Variants in C4orf51 observed in about 807,000 individuals in gnomAD.
The protein encoded by C4orf51 is uncharacterized protein C4orf51.
C4orf51 carries 25 observed loss-of-function variants against 25.2 expected under a neutral mutation model. That is an observed-to-expected ratio of 0.99 (90% CI 0.72 to 1.39). C4orf51 has a LOEUF of 1.39. C4orf51 is among the 40% of genes most tolerant of loss of function. The probability of loss-of-function intolerance (pLI) is 0.00; values close to 1 mark genes in which losing one functional copy is unlikely to be tolerated. For missense variants in C4orf51, 252 were observed against 239.6 expected, an observed-to-expected ratio of 1.05 and a Z score of -0.34; for synonymous variants, 100 against 84.5, an observed-to-expected ratio of 1.18 and a Z score of -1.01.
At chr4:145,791,441 C>T in the C4orf51 span, among the ~76,000 whole-genome samples, 1 of 152,126 alleles carries the variant, frequency 6.6e-6, no homozygotes, top group South Asian at 2.1e-4. Flanking sequence ...ACATTTAGAC[C>T]ATACCACTTT....
At chr4:145,699,290 T>C (rs13126108) in intron 2 of C4orf51, among the ~76,000 whole-genome samples, 8,760 of 57,796 alleles carry the variant, frequency 0.15, 1,161 homozygotes, top group Admixed American at 0.19. Context: ...TGCCGTGACT[T>C]GGATCAGGGA....
At chr4:145,758,958 C>G (rs1448391918), downstream of C4orf51, 3 of 152,198 alleles carry the variant, frequency 2.0e-5, no homozygotes, top group Non-Finnish European at 4.4e-5. Context: ...TCCTGTAGAA[C>G]TGTACTAATT....
intron 1 of C4orf51, among the ~76,000 whole-genome samples, chr4:145,743,247 C>A (rs1005188331): frequency 6.6e-6 from 1 of 152,014 alleles, no homozygotes; most frequent in Non-Finnish European, 1.5e-5. Flanking sequence ...ACAAAATACC[C>A]GAGACTATAT....
the C4orf51 span, among the ~76,000 whole-genome samples, chr4:145,786,519 G>T: frequency 6.6e-6 from 1 of 152,172 alleles, no homozygotes; most frequent in African/African-American, 2.4e-5. Flanking sequence ...TCATGATCAA[G>T]GCTGGAATGT....
chr4:145,714,916 T>A (rs1434764610), intron 2 of C4orf51, among the ~76,000 whole-genome samples: 1 of 152,186 alleles, frequency 6.6e-6, no homozygotes, highest in African/African-American at 2.4e-5. Context: ...ATTCTTAAGA[T>A]TGATGGCTTC....
downstream of C4orf51, among the ~76,000 whole-genome samples, chr4:145,754,708 G>C (rs1467901509): frequency 2.6e-5 from 4 of 152,240 alleles, no homozygotes; most frequent in Non-Finnish European, 5.9e-5. Context: ...GCCAAGGCAG[G>C]AGTATCACTT....
the C4orf51 span, among the ~76,000 whole-genome samples, chr4:145,781,047 T>G: frequency 1.3e-5 from 2 of 151,542 alleles, no homozygotes; most frequent in Admixed American, 1.3e-4. Flanking sequence ...ATACAAAAAT[T>G]TAGCCGGGCG....
chr4:145,771,308 A>C (rs1462809535), downstream of C4orf51, among the ~76,000 whole-genome samples: 1 of 152,182 alleles, frequency 6.6e-6, no homozygotes, highest in Non-Finnish European at 1.5e-5. Flanking sequence ...TTATCACTTA[A>C]GCTTTTACAA....
At chr4:145,786,845 G>A in the C4orf51 span, among the ~76,000 whole-genome samples, 1 of 152,170 alleles carries the variant, frequency 6.6e-6, no homozygotes, top group East Asian at 1.9e-4. Flanking sequence ...TCAATTTAGG[G>A]TTACTTGCCA....
intron 5 of C4orf51, 85 bp from the exon 6 acceptor site, chr4:145,732,368 G>T: frequency 2.5e-6 from 2 of 787,958 alleles, no homozygotes; most frequent in Non-Finnish European, 4.3e-6. Flanking sequence ...TGTCTGGTTT[G>T]GAAGAGACCA....
At chr4:145,706,808 A>ATTT (rs34336553) in intron 2 of C4orf51, among the ~76,000 whole-genome samples, 8 of 118,670 alleles carry the variant, frequency 6.7e-5, no homozygotes, top group Non-Finnish European at 8.4e-5. Flanking sequence ...TGCCCGGCTA[A>ATTT]TTTTTTTTTT....
chr4:145,739,599 T>G (rs2126790568), intron 1 of C4orf51, among the ~76,000 whole-genome samples: 1 of 152,354 alleles, frequency 6.6e-6, no homozygotes, highest in Non-Finnish European at 1.5e-5. Flanking sequence ...TGTATTATCT[T>G]TTAGAAAGCA....
intron 1 of C4orf51, among the ~76,000 whole-genome samples, chr4:145,745,802 G>C (rs1733337951): frequency 6.6e-6 from 1 of 152,162 alleles, no homozygotes; most frequent in South Asian, 2.1e-4. Flanking sequence ...CCTCCAAACT[G>C]TTCTCCATAG....
chr4:145,749,704 G>A (rs893972172), intron 1 of C4orf51, among the ~76,000 whole-genome samples: 3 of 151,682 alleles, frequency 2.0e-5, no homozygotes, highest in East Asian at 1.9e-4. Context: ...GTGCAATCTC[G>A]CTCACTGCAA....
intron 1 of C4orf51, among the ~76,000 whole-genome samples, chr4:145,745,503 TTAACA>T (rs1733325790): frequency 6.6e-6 from 1 of 152,180 alleles, no homozygotes; most frequent in South Asian, 2.1e-4. Context: ...CTTATTTCAC[TTAACA>T]TAACAATCTC....
chr4:145,726,891 C>T lies in C4orf51; in HGVS notation c.308-20C>T, dbSNP rs776595771. On this transcript the variant is annotated intron_variant, in intron 2 of 5. Coordinates refer to ENST00000438731, the MANE Select transcript of C4orf51 (RefSeq NM_001080531.3). ...TAACTCTGCATTTAATCCTGATTTT[C>T]CCTCTTCATGTGCATGCAGGACTAT... 1 of 1,597,650 alleles carries T rather than the reference C, an allele frequency of 6.3e-7. No homozygotes were observed. The highest frequency in any genetic ancestry group is 8.6e-7 in the Non-Finnish European group (1 of 1,166,868).
At chr4:145,750,412 GTTTTTTTT>G (rs55700691) in intron 1 of C4orf51, among the ~76,000 whole-genome samples, 7 of 108,138 alleles carry the variant, frequency 6.5e-5, no homozygotes, top group African/African-American at 2.1e-4. Flanking sequence ...TAGGGTAAAA[GTTTTTTTT>G]TTTTTTTTTT....
At chr4:145,788,731 G>C in the C4orf51 span, among the ~76,000 whole-genome samples, 1 of 152,198 alleles carries the variant, frequency 6.6e-6, no homozygotes, top group African/African-American at 2.4e-5. Context: ...ACACAGACCA[G>C]TGACCACTTC....
chr4:145,719,045 CTTA>C (rs1731572840), intron 2 of C4orf51, among the ~76,000 whole-genome samples: 1 of 152,130 alleles, frequency 6.6e-6, no homozygotes, highest in Admixed American at 6.6e-5. Context: ...TGTTTACTTA[CTTA>C]TTATCTCTTT....
Sources: gnomAD v4.1 joint callset for allele counts (sites outside exome capture counted in the v4.1 genomes callset) on GRCh38, gnomAD v4.1.1 for gene constraint, MANE v1.5 for transcripts, NCBI Gene and HGNC (gene_info 2026-07-23, HGNC 2026-07-21) for gene names.